The following AOPEP variants were observed in gnomAD, a reference collection of about 807,000 sequenced individuals.
AOPEP encodes the protein aminopeptidase O (putative).
Under a neutral mutation model 98.1 loss-of-function variants are expected in AOPEP, and 77 were observed. The observed-to-expected ratio is 0.78, with a 90% CI of 0.65 to 0.95. The LOEUF is 0.95. Among genes scored for constraint, AOPEP ranks in the 40% least tolerant of loss-of-function variants. The pLI is 0.00. For missense variants in AOPEP, 1,024 were observed against 1,024.7 expected, an observed-to-expected ratio of 1.00 and a Z score of 0.01; for synonymous variants, 346 against 365.3, an observed-to-expected ratio of 0.95 and a Z score of 0.60.
chr9:95,101,761 A>G, the AOPEP span: 1 of 1,614,146 alleles, frequency 6.2e-7, no homozygotes, highest in Middle Eastern at 1.6e-4. Context: ...TTTCTGATCT[A>G]GGGCTTTCAA....
At chr9:95,025,274 T>C (rs1015457099) in intron 13 of AOPEP, among the ~76,000 whole-genome samples, 2 of 152,198 alleles carry the variant, frequency 1.3e-5, no homozygotes, top group African/African-American at 4.8e-5. Flanking sequence ...CCGTGATCCA[T>C]TTTCCCAGCA....
chr9:94,963,730 A>G lies in AOPEP; in HGVS notation c.1873-4028A>G, dbSNP rs55719859. The stretch of plus-strand genomic sequence containing the variant: ...AATTTTTCTAGAATCAGCTATGAAA[A>G]AAGTCTTCCTTGTCCAAATAAGATT... On this transcript the variant is annotated intron_variant, in intron 9 of 16. Transcript: ENST00000375315. Among the ~76,000 whole-genome samples the G allele has an allele frequency of 4.6e-3, 708 of 152,324 alleles. 10 individuals are homozygous for G. The highest frequency in any genetic ancestry group is 0.04 in the South Asian group (194 of 4,824).
chr9:94,970,908 G>T (rs1474093832), intron 10 of AOPEP, among the ~76,000 whole-genome samples: 2 of 152,074 alleles, frequency 1.3e-5, no homozygotes, highest in African/African-American at 4.8e-5. Context: ...TAATAGAAAT[G>T]GTGTATTACT....
intron 13 of AOPEP, among the ~76,000 whole-genome samples, chr9:95,050,993 G>A (rs892638691): frequency 8.5e-5 from 13 of 152,096 alleles, no homozygotes; most frequent in African/African-American, 3.1e-4. Flanking sequence ...CCTGAGGATC[G>A]GAGTGGTTGA....
At chr9:94,731,641 A>T (rs778630371) in intron 1 of AOPEP, among the ~76,000 whole-genome samples, 2 of 151,642 alleles carry the variant, frequency 1.3e-5, no homozygotes, top group East Asian at 3.9e-4. Flanking sequence ...GTGCTATGTG[A>T]TATACTTTTA....
At chr9:95,026,125 A>T (rs938076804) in intron 13 of AOPEP, among the ~76,000 whole-genome samples, 2 of 152,236 alleles carry the variant, frequency 1.3e-5, no homozygotes, top group Non-Finnish European at 2.9e-5. Context: ...AAGTAAGAGA[A>T]AACCGGAATA....
intron 5 of AOPEP, among the ~76,000 whole-genome samples, chr9:94,847,187 G>GTC (rs147535375): frequency 1.5e-4 from 20 of 135,150 alleles, no homozygotes; most frequent in African/African-American, 2.9e-4. Context: ...CTCTGTCTCT[G>GTC]TCTCTCTCTC....
downstream of AOPEP, among the ~76,000 whole-genome samples, chr9:95,092,018 TGA>T (rs1356055735): frequency 1.3e-5 from 2 of 151,842 alleles, no homozygotes; most frequent in South Asian, 4.2e-4. Flanking sequence ...GGCTGTGGCC[TGA>T]GAGAGTTGCT....
At chr9:94,823,939 TA>T (rs1463688335) in intron 5 of AOPEP, among the ~76,000 whole-genome samples, 15 of 152,172 alleles carry the variant, frequency 9.9e-5, no homozygotes, top group Non-Finnish European at 2.2e-4. Flanking sequence ...ACACCCAGCT[TA>T]CTATGCAGTC....
the AOPEP span, chr9:95,110,257 A>AAATT: frequency 4.0e-6 from 4 of 1,008,244 alleles, no homozygotes; most frequent in Non-Finnish European, 4.8e-6. Context: ...ATTTCTTTAT[A>AAATT]CTTCAAAAGT....
chr9:95,131,557 G>C, the AOPEP span, among the ~76,000 whole-genome samples: 1 of 152,168 alleles, frequency 6.6e-6, no homozygotes, highest in African/African-American at 2.4e-5. Flanking sequence ...TCTGGAAAGT[G>C]CAACTCCAGT....
At chr9:94,842,568 A>G (rs898138179) in intron 5 of AOPEP, among the ~76,000 whole-genome samples, 4 of 152,192 alleles carry the variant, frequency 2.6e-5, no homozygotes, top group African/African-American at 9.6e-5. Context: ...CAATTGTCAA[A>G]CACATTTTAA....
the AOPEP span, chr9:95,107,406 C>T: frequency 1.1e-6 from 1 of 915,974 alleles, no homozygotes. Flanking sequence ...TAGGCAGCGG[C>T]CGAATTTACA....
chr9:95,119,169 T>C, the AOPEP span, among the ~76,000 whole-genome samples: 1 of 152,236 alleles, frequency 6.6e-6, no homozygotes, highest in African/African-American at 2.4e-5. Context: ...ACAGTTTTCA[T>C]GTGCTTACTG....
chr9:94,929,594 G>A (rs985071546), intron 7 of AOPEP, among the ~76,000 whole-genome samples: 8 of 152,248 alleles, frequency 5.3e-5, no homozygotes, highest in Non-Finnish European at 7.3e-5. Flanking sequence ...GAAGTGGAGC[G>A]GGCCAGGAGC....
At chr9:94,881,505 G>A (rs956701986) in intron 5 of AOPEP, among the ~76,000 whole-genome samples, 16 of 152,192 alleles carry the variant, frequency 1.1e-4, no homozygotes, top group Admixed American at 1.0e-3. Context: ...TAATTGGTGA[G>A]ACATAAGCTT....
chr9:94,958,625 C>T (rs1178418752), intron 9 of AOPEP, among the ~76,000 whole-genome samples: 1 of 152,132 alleles, frequency 6.6e-6, no homozygotes, highest in African/African-American at 2.4e-5. Flanking sequence ...TTTTGATTTG[C>T]ATTCTGTGAT....
Position 95,080,675 on chromosome 9 carries a change from C to T in AOPEP, c.2233-19C>T. ...GCCTGCCTGCTTGTCGCTCACTGGG[C>T]TCTCTCTTGTTCCTCCAGGTTCGCC... On this transcript the variant is annotated intron_variant, in intron 14 of 16. Coordinates refer to ENST00000375315, the MANE Select transcript of AOPEP (RefSeq NM_001193329.3). 1 of 1,601,944 alleles carries T rather than the reference C, an allele frequency of 6.2e-7. No individual in the cohort carries two copies.
chr9:95,090,812 CCTTT>C (rs757388900), downstream of AOPEP, among the ~76,000 whole-genome samples: 9 of 152,330 alleles, frequency 5.9e-5, no homozygotes, highest in Non-Finnish European at 1.2e-4. Context: ...AGCTCAGCTT[CCTTT>C]GAGGATTAAA....
Sources: gnomAD v4.1 joint callset for allele counts (sites outside exome capture counted in the v4.1 genomes callset) on GRCh38, gnomAD v4.1.1 for gene constraint, MANE v1.5 for transcripts, NCBI Gene and HGNC (gene_info 2026-07-23, HGNC 2026-07-21) for gene names.